The following PSMF1 variants were observed in gnomAD, a reference collection of about 807,000 sequenced individuals.
PSMF1 encodes proteasome inhibitor subunit 1.
PSMF1 carries 30 observed loss-of-function variants against 29.3 expected under a neutral mutation model. The ratio of observed to expected loss-of-function variants is 1.02; its 90% CI spans 0.77 to 1.39. PSMF1 has a LOEUF of 1.39. Ranked by LOEUF, PSMF1 falls within the 40% of genes most tolerant of loss-of-function variation. The pLI, the probability that PSMF1 is intolerant of heterozygous loss-of-function variation, is 0.00. For missense variants in PSMF1, 344 were observed against 357.5 expected (o/e 0.96, Z 0.31); for synonymous variants, 134 against 139.7 (o/e 0.96, Z 0.29).
At position 1,143,053 on chromosome 20, in the gene PSMF1, CATAGTAAAAATGTCAG is replaced by C. The variant is rs960603813; in HGVS notation, c.551+7751_551+7766del. Reference sequence around the variant, plus strand: ...ACATATTCATGGATTAAAAAATCAGCATAGTAAAAATGTCAGATACTCCACAAATTGATACACTATT... The same window carrying C: ...ACATATTCATGGATTAAAAAATCAGCATACTCCACAAATTGATACACTATT... On this transcript the variant is annotated intron_variant, in intron 4 of 6. Transcript: ENST00000335877. 2.8e-3 allele frequency among the ~76,000 whole-genome samples: 425 copies of C among 152,200 alleles called. 2 individuals are homozygous for C. The highest frequency in any genetic ancestry group is 9.8e-3 in the African/African-American group (405 of 41,508).
intron 4 of PSMF1, among the ~76,000 whole-genome samples, chr20:1,153,974 C>T (rs140173782): frequency 4.6e-5 from 7 of 152,164 alleles, no homozygotes; most frequent in Non-Finnish European, 1.0e-4. Context: ...TTTGTAGTTA[C>T]GCATGCATAC....
chr20:1,166,528 A>G lies in PSMF1; in HGVS notation c.*1448A>G. 1 of 480,516 alleles carries G rather than the reference A, an allele frequency of 2.1e-6. No individual in the cohort carries two copies. Among genetic ancestry groups the G allele is most frequent in the Admixed American group, 3.3e-5 (1 of 30,510 alleles). The allele number at this position is 480,516 out of a possible 1,614,324, so 29.8% of individuals were successfully genotyped here. A position where few individuals can be genotyped will look rare whatever the true frequency, so the allele number is the denominator to read the frequency against. ...GCCTGAGAACAGGTAGATGAAAACTAAACTGATGCCTAGGCCCAGGGTCAG... is the reference window on the plus strand; with the variant it reads ...GCCTGAGAACAGGTAGATGAAAACTGAACTGATGCCTAGGCCCAGGGTCAG... On this transcript the variant is annotated 3_prime_UTR_variant, in exon 7 of 7. Transcript: ENST00000335877.
chr20:1,158,828 G>A lies in PSMF1; in HGVS notation c.552-4302G>A, dbSNP rs373920160. ...AGCCTCATTTAGCACATGCAAGACT[G>A]AGACTCAGCCAAGGGGGCTATCTAG... On this transcript the variant is annotated intron_variant, in intron 4 of 6. Transcript: ENST00000335877. 1.0e-3 allele frequency among the ~76,000 whole-genome samples: 152 copies of A among 152,304 alleles called. 5 individuals are homozygous for A. The South Asian group carries it at 0.03, about 31-fold the overall frequency.
chr20:1,142,506 T>A (rs1406227859), intron 4 of PSMF1, among the ~76,000 whole-genome samples: 1 of 151,178 alleles, frequency 6.6e-6, no homozygotes, highest in Non-Finnish European at 1.5e-5. Flanking sequence ...CACCTATGAG[T>A]GAGAACATGC....
At chr20:1,133,571 T>TATATATATATATATATATA (rs1568469077) in intron 3 of PSMF1, among the ~76,000 whole-genome samples, 2 of 44,128 alleles carry the variant, frequency 4.5e-5, no homozygotes, top group Admixed American at 2.3e-4. Context: ...ATATATATAT[T>TATATATATATATATATATA]TTTTTTTTTT....
At chr20:1,132,688 C>T (rs2086245737) in intron 3 of PSMF1, among the ~76,000 whole-genome samples, 1 of 152,140 alleles carries the variant, frequency 6.6e-6, no homozygotes, top group South Asian at 2.1e-4. Flanking sequence ...GGAGAATTGA[C>T]ATTCTTGCTA....
At chr20:1,134,678 G>A (rs1275616880) in intron 3 of PSMF1, among the ~76,000 whole-genome samples, 2 of 152,178 alleles carry the variant, frequency 1.3e-5, no homozygotes, top group Non-Finnish European at 2.9e-5. Context: ...TGACAGAACT[G>A]GACCTTGAAC....
At chr20:1,131,268 A>G (rs556518854) in intron 3 of PSMF1, among the ~76,000 whole-genome samples, 1 of 152,266 alleles carries the variant, frequency 6.6e-6, no homozygotes, top group Non-Finnish European at 1.5e-5. Flanking sequence ...CCGTCTGTTC[A>G]GCAATACTGA....
At chr20:1,156,613 T>C (rs1476836491) in intron 4 of PSMF1, among the ~76,000 whole-genome samples, 1 of 152,184 alleles carries the variant, frequency 6.6e-6, no homozygotes, top group East Asian at 1.9e-4. Flanking sequence ...ATTCTTAAAG[T>C]ATGGAGAGAA....
chr20:1,154,200 A>G (rs1253321788), intron 4 of PSMF1, among the ~76,000 whole-genome samples: 1 of 152,232 alleles, frequency 6.6e-6, no homozygotes, highest in African/African-American at 2.4e-5. Flanking sequence ...AAATAATGCA[A>G]AAGTAATCAT....
rs752389010 is a variant in PSMF1 at position 1,135,285 on chromosome 20, A to C, written c.530A>C (p.His177Pro). The change falls in exon 4 of 7, where the codon CAC becomes CCC. Residue 177 changes from histidine to proline, a missense_variant. Coordinates refer to ENST00000335877, the MANE Select transcript of PSMF1 (RefSeq NM_006814.5). ...DPLRIPPHHP[H>P]TSRQPPWCDP... ...CTCCGGATTCCTCCACACCACCCAC[A>C]CACCAGTCGGCAGCCTCCCTGGTGA... 1.7e-5 allele frequency: 27 copies of C among 1,612,778 alleles called. No individual in the cohort carries two copies. In the East Asian group the frequency reaches 6.0e-4, roughly 36 times the overall value.
chr20:1,152,949 C>G (rs2086549740), intron 4 of PSMF1, among the ~76,000 whole-genome samples: 1 of 152,140 alleles, frequency 6.6e-6, no homozygotes, highest in Non-Finnish European at 1.5e-5. Context: ...AGAATAGATT[C>G]CTATAGAATT....
intron 3 of PSMF1, among the ~76,000 whole-genome samples, chr20:1,133,569 A>ATATATATATATTTTTTTTTT: frequency 5.6e-5 from 3 of 53,298 alleles, no homozygotes; most frequent in Non-Finnish European, 9.1e-5. Flanking sequence ...ATATATATAT[A>ATATATATATATTTTTTTTTT]TTTTTTTTTT....
chr20:1,133,410 A>C (rs563649521), intron 3 of PSMF1, among the ~76,000 whole-genome samples: 4 of 150,890 alleles, frequency 2.7e-5, no homozygotes, highest in Non-Finnish European at 5.9e-5. Flanking sequence ...ATTTGTGACT[A>C]TTAACCAGTC....
chr20:1,134,867 T>G, intron 3 of PSMF1: 1 of 554,450 alleles, frequency 1.8e-6, no homozygotes, highest in Non-Finnish European at 3.3e-6. Flanking sequence ...CCTCACCTCT[T>G]TCTAATGGGG....
chr20:1,153,786 C>G (rs2086560973), intron 4 of PSMF1, among the ~76,000 whole-genome samples: 2 of 152,182 alleles, frequency 1.3e-5, no homozygotes, highest in Admixed American at 6.5e-5. Context: ...GGACCAAGAT[C>G]TAATCATCTC....
chr20:1,147,887 A>G (rs571161790), intron 4 of PSMF1, among the ~76,000 whole-genome samples: 13 of 152,288 alleles, frequency 8.5e-5, no homozygotes, highest in Admixed American at 5.9e-4. Context: ...GAAGGAGGCA[A>G]AAAGCAGCAC....
rs1334096648 is a variant in PSMF1, at chr20:1,163,128, A to C, written c.552-2A>C. The C allele has an allele frequency of 6.2e-7, 1 of 1,613,986 alleles. No homozygotes were observed. Among genetic ancestry groups the C allele is most frequent in the South Asian group, 1.1e-5 (1 of 91,050 alleles). ...GCAGTAATTGTCTCTTGTTTGTTTC[A>C]GGTGTGATCCCCTGGGCCCGTTTGT... On this transcript the variant is annotated splice_acceptor_variant, in intron 4 of 6. Coordinates refer to ENST00000335877, the MANE Select transcript of PSMF1 (RefSeq NM_006814.5). LOFTEE classifies it high-confidence loss of function. This position sits in a 1 kb window ranked among gnomAD's most constrained non-coding sequence, Gnocchi z 6.1.
upstream of PSMF1, among the ~76,000 whole-genome samples, chr20:1,116,550 G>A (rs1046461317): frequency 6.6e-6 from 1 of 152,244 alleles, no homozygotes; most frequent in African/African-American, 2.4e-5. Context: ...AAAGAGGTAA[G>A]AGTGCCCTGA....
Sources: gnomAD v4.1 joint callset for allele counts (sites outside exome capture counted in the v4.1 genomes callset) on GRCh38, gnomAD v4.1.1 for gene constraint, Gnocchi (gnomAD v3.1) non-coding constraint, MANE v1.5 for transcripts, NCBI Gene and HGNC (gene_info 2026-07-23, HGNC 2026-07-21) for gene names.